ALMS1: variants seen among roughly 807,000 people sequenced by gnomAD.
ALMS1 encodes the protein centrosome-associated protein ALMS1.
A neutral mutation model predicts 352.2 loss-of-function variants in ALMS1; 271 were observed. The ratio of observed to expected loss-of-function variants is 0.77; its 90% CI spans 0.70 to 0.85. The LOEUF (loss-of-function observed/expected upper bound fraction) is 0.85. Ranked by LOEUF, ALMS1 falls within the 40% of genes least tolerant of loss-of-function variation. The pLI is 0.00. For missense variants in ALMS1, 5,445 were observed against 4,870.7 expected (o/e 1.12, Z -3.51); for synonymous variants, 1,865 against 1,761.2 (o/e 1.06, Z -1.48).
At chr2:73,499,030 CT>C (rs1242016666) in intron 10 of ALMS1, among the ~76,000 whole-genome samples, 2 of 152,082 alleles carry the variant, frequency 1.3e-5, no homozygotes, top group African/African-American at 4.8e-5. Flanking sequence ...AACTATTCTC[CT>C]TAGCAATTGC....
rs139343335 is a variant in ALMS1 at position 73,522,614 on chromosome 2, G to A, written c.9781+2598G>A. ...CTCCCAAGTAGCTGGGACTACAGGC[G>A]CGCACCACCACGCCCAACTAATTTT... is the stretch of plus-strand genomic sequence containing the variant. On this transcript the variant is annotated intron_variant, in intron 11 of 22. Coordinates refer to ENST00000613296, the MANE Select transcript of ALMS1 (RefSeq NM_001378454.1). 8.0e-4 allele frequency among the ~76,000 whole-genome samples: 121 copies of A among 151,778 alleles called. No homozygotes were observed. The East Asian group carries it at 0.019, about 24-fold the overall frequency.
At chr2:73,499,008 A>G (rs749470337) in intron 10 of ALMS1, among the ~76,000 whole-genome samples, 2 of 152,092 alleles carry the variant, frequency 1.3e-5, no homozygotes, top group Non-Finnish European at 2.9e-5. Context: ...TAGTTTTTTT[A>G]AGGAACCTCC....
At chr2:73,500,217 CAA>C (rs1433692851) in intron 10 of ALMS1, among the ~76,000 whole-genome samples, 1 of 152,182 alleles carries the variant, frequency 6.6e-6, no homozygotes, top group African/African-American at 2.4e-5. Flanking sequence ...TTTTAGCAGA[CAA>C]TGACCCAACT....
chr2:73,491,146 A>T lies in ALMS1; in HGVS notation c.9187A>T (p.Thr3063Ser), dbSNP rs777116276. ...PKTSSKLDSG[T>S]LDERFHSLDA... is the part of the protein sequence containing the mutation. ...GACTTCTTCCAAGTTGGATAGTGGA[A>T]CTTTAGATGAAAGATTCCATTCATT... Residue 3063 changes from threonine to serine, a missense_variant, in exon 10 of 23, where the codon ACT becomes TCT. Thr to Ser is a moderately conservative substitution (Grantham distance 58). Coordinates refer to ENST00000613296, the MANE Select transcript of ALMS1 (RefSeq NM_001378454.1). 1 of 1,614,206 alleles carries T rather than the reference A, an allele frequency of 6.2e-7. No homozygotes were observed. The highest frequency in any genetic ancestry group is 1.1e-5 in the South Asian group (1 of 91,070).
chr2:73,456,344 T>A (rs1286642841), intron 9 of ALMS1, among the ~76,000 whole-genome samples: 1 of 152,222 alleles, frequency 6.6e-6, no homozygotes, highest in Non-Finnish European at 1.5e-5. Context: ...CTTATTACTG[T>A]ACAGTATTCC....
intron 12 of ALMS1, among the ~76,000 whole-genome samples, chr2:73,537,166 A>G (rs1674046212): frequency 6.6e-6 from 1 of 152,244 alleles, no homozygotes; most frequent in Non-Finnish European, 1.5e-5. Context: ...AAAAACATTT[A>G]CAGACAAGTA....
At chr2:73,464,528 A>T (rs1408662349) in intron 9 of ALMS1, among the ~76,000 whole-genome samples, 1 of 152,226 alleles carries the variant, frequency 6.6e-6, no homozygotes, top group Non-Finnish European at 1.5e-5. Context: ...CCCTTTGAAA[A>T]CAGGCACAAG....
intron 11 of ALMS1, among the ~76,000 whole-genome samples, chr2:73,534,319 C>G (rs10199224): frequency 0.3 from 45,740 of 151,930 alleles, 8,469 homozygotes; most frequent in African/African-American, 0.53. Context: ...TTTTGAAGCC[C>G]TGTCACATAG....
At position 73,451,648 on chromosome 2, in the gene ALMS1, A is replaced by G. The variant is rs1452302408; in HGVS notation, c.5121A>G (p.Val1707=). Residue 1707 remains valine (V), a synonymous_variant, in exon 8 of 23, where the codon GTA becomes GTG. Coordinates refer to ENST00000613296, the MANE Select transcript of ALMS1 (RefSeq NM_001378454.1). ...PDAQKTETPS[V]SSSLYSYREK... ...CCCAGAAGACTGAGACACCATCAGTATCCTCTAGTTTATACTCATATAGAG... is the reference window on the plus strand; with the variant it reads ...CCCAGAAGACTGAGACACCATCAGTGTCCTCTAGTTTATACTCATATAGAG... 3.1e-6 allele frequency: 5 copies of G among 1,613,960 alleles called. No homozygotes were observed. In the African/African-American group the frequency reaches 4.0e-5, roughly 13 times the overall value.
chr2:73,478,111 A>G (rs1188779849), intron 9 of ALMS1, among the ~76,000 whole-genome samples: 1 of 152,042 alleles, frequency 6.6e-6, no homozygotes, highest in Non-Finnish European at 1.5e-5. Context: ...TTTCATAGGT[A>G]CTCTTCATCT....
At chr2:73,582,010 G>T (rs1675193473) in intron 16 of ALMS1, among the ~76,000 whole-genome samples, 1 of 152,022 alleles carries the variant, frequency 6.6e-6, no homozygotes, top group Admixed American at 6.5e-5. Context: ...CCAAAATGCT[G>T]GGATTACAGG....
rs374193269 is a variant in ALMS1, at chr2:73,605,539, A to G, written c.12362+2235A>G. ...ACATGTTTTCAGATTCCACCTTGCA[A>G]CTAATTTTTAAGAAGCTACCACTTG... On this transcript the variant is annotated intron_variant, in intron 21 of 22. Transcript: ENST00000613296. 6.6e-5 allele frequency among the ~76,000 whole-genome samples: 10 copies of G among 152,336 alleles called. No individual in the cohort carries two copies. In the East Asian group the frequency reaches 1.9e-3, roughly 29 times the overall value.
At chr2:73,385,795 C>G, upstream of ALMS1, 1 of 636,960 alleles carries the variant, frequency 1.6e-6, no homozygotes, top group Admixed American at 2.5e-5. Flanking sequence ...GCCACAACCG[C>G]CAGTCAGGGC....
chr2:73,391,057 AG>A (rs1333364913), intron 1 of ALMS1, among the ~76,000 whole-genome samples: 1 of 151,254 alleles, frequency 6.6e-6, no homozygotes, highest in Non-Finnish European at 1.5e-5. Flanking sequence ...AGATGTGATG[AG>A]CCACTGCGCC....
chr2:73,411,190 C>A (rs1671069448), intron 2 of ALMS1, among the ~76,000 whole-genome samples: 1 of 151,546 alleles, frequency 6.6e-6, no homozygotes, highest in Non-Finnish European at 1.5e-5. Context: ...AGGAAAGCAC[C>A]ATGTGAGGAG....
rs983651117 is a variant in ALMS1, at chr2:73,448,342, T to G, written c.1815T>G (p.Pro605=). The change falls in exon 8 of 23, where the codon CCT becomes CCG. Residue 605 remains proline (P), a synonymous_variant. Coordinates refer to ENST00000613296, the MANE Select transcript of ALMS1 (RefSeq NM_001378454.1). ...AGGCTTTGAAAGTTTCAGCTGCTCC[T>G]GGACTAGCTGACCAGACAACTGGCA... The part of the protein sequence containing the change: ...TEEALKVSAA[P]GLADQTTGMS... The G allele has an allele frequency of 8.7e-6, 14 of 1,613,942 alleles. No homozygotes were observed. The Admixed American group carries it at 1.8e-4, about 21-fold the overall frequency.
chr2:73,465,047 TC>T (rs1306760911), intron 9 of ALMS1, among the ~76,000 whole-genome samples: 4 of 152,120 alleles, frequency 2.6e-5, no homozygotes, highest in Non-Finnish European at 5.9e-5. Flanking sequence ...TTCAATGCCA[TC>T]CCCATCAAGC....
intron 2 of ALMS1, 143 bp downstream of exon 2, chr2:73,408,890 T>A (rs1044086199): frequency 3.2e-5 from 23 of 711,314 alleles, no homozygotes; most frequent in South Asian, 4.3e-5. Flanking sequence ...TTTTTTTTTT[T>A]AAGACAGGGT....
chr2:73,557,488 A>C, intron 14 of ALMS1, 134 bp downstream of exon 14: 5 of 1,166,756 alleles, frequency 4.3e-6, no homozygotes, highest in Non-Finnish European at 6.2e-6. Context: ...TCTCATGTAT[A>C]TATGAAATAG....
Sources: gnomAD v4.1 joint callset for allele counts (sites outside exome capture counted in the v4.1 genomes callset) on GRCh38, gnomAD v4.1.1 for gene constraint, MANE v1.5 for transcripts, NCBI Gene and HGNC (gene_info 2026-07-23, HGNC 2026-07-21) for gene names.